Variants in UBR2 observed in about 807,000 individuals in gnomAD.
UBR2 encodes E3 ubiquitin-protein ligase UBR2.
Under a neutral mutation model 247.9 loss-of-function variants are expected in UBR2, and 92 were observed. The observed-to-expected ratio is 0.37, with a 90% CI of 0.31 to 0.44. The LOEUF (loss-of-function observed/expected upper bound fraction) is 0.44, where lower values mean the gene tolerates loss of function less well. UBR2 is among the 20% of genes least tolerant of loss of function. The pLI is 1.00. For synonymous variants in UBR2, 672 were observed against 693.5 expected (o/e 0.97, Z 0.49); for missense variants, 1,613 against 2,112.6 (o/e 0.76, Z 4.64).
At chr6:42,639,513 G>A (rs976507119) in intron 15 of UBR2, among the ~76,000 whole-genome samples, 2 of 152,176 alleles carry the variant, frequency 1.3e-5, no homozygotes. Context: ...CAGGAGAATC[G>A]CTTGAACCTG....
intron 28 of UBR2, 150 bp from the exon 29 acceptor site, chr6:42,658,491 TAAAAC>T: frequency 3.6e-6 from 4 of 1,103,436 alleles, no homozygotes; most frequent in Non-Finnish European, 5.0e-6. Context: ...TTTTTTTCTT[TAAAAC>T]AAGTCAGTTT....
At chr6:42,569,530 A>G (rs1441665651) in intron 1 of UBR2, among the ~76,000 whole-genome samples, 1 of 152,182 alleles carries the variant, frequency 6.6e-6, no homozygotes, top group South Asian at 2.1e-4. Context: ...CTTAATTTGT[A>G]GAGCTCTTAA....
chr6:42,609,560 C>CA lies in UBR2; in HGVS notation c.865-2602dup, dbSNP rs60736061. ...TGGAGCAGAGAGTAAAAGGAGGATCCAAAAAAAAATAAAAAGGAGTAAATA... is the reference window on the plus strand; with the variant it reads ...TGGAGCAGAGAGTAAAAGGAGGATCCAAAAAAAAAATAAAAAGGAGTAAATA... On this transcript the variant is annotated intron_variant, in intron 7 of 46. Coordinates refer to ENST00000372901, the MANE Select transcript of UBR2 (RefSeq NM_001363705.2). 5.2e-3 allele frequency among the ~76,000 whole-genome samples: 764 copies of CA among 147,420 alleles called. 2 individuals carry two copies. The highest frequency in any genetic ancestry group is 7.2e-3 in the Non-Finnish European group (479 of 66,596).
At position 42,645,691 on chromosome 6, in the gene UBR2, A is replaced by G. The variant is rs1796713380; in HGVS notation, c.2409+101A>G. ...TTCTGTATACCTTTCTCACAATTGT[A>G]AAATCTATTGTCATGGGATGTGTAT... On this transcript the variant is annotated intron_variant, in intron 21 of 46. Coordinates refer to ENST00000372901, the MANE Select transcript of UBR2 (RefSeq NM_001363705.2). 4.8e-6 allele frequency: 6 copies of G among 1,256,218 alleles called. No individual in the cohort carries two copies. In the East Asian group the frequency reaches 1.4e-4, roughly 29 times the overall value. The allele number at this position is 1,256,218 out of a possible 1,614,324, so 77.8% of individuals were successfully genotyped here. A position where few individuals can be genotyped will look rare whatever the true frequency, so the allele number is the denominator to read the frequency against.
intron 21 of UBR2, among the ~76,000 whole-genome samples, chr6:42,647,122 G>A (rs1039518825): frequency 2.8e-4 from 43 of 151,828 alleles, no homozygotes; most frequent in African/African-American, 9.7e-4. Flanking sequence ...ACACCTGGCC[G>A]AATGATGAAT....
At chr6:42,592,364 C>A in intron 3 of UBR2, 135 bp downstream of exon 3, 1 of 582,094 alleles carries the variant, frequency 1.7e-6, no homozygotes, top group Non-Finnish European at 2.7e-6. Context: ...ATTTAAATAC[C>A]ATTGGATATA....
chr6:42,610,837 A>G (rs1014719687), intron 7 of UBR2, among the ~76,000 whole-genome samples: 1 of 151,008 alleles, frequency 6.6e-6, no homozygotes, highest in Non-Finnish European at 1.5e-5. Context: ...AAAGTTTTAT[A>G]TGTATTTTAC....
intron 15 of UBR2, among the ~76,000 whole-genome samples, 174 bp downstream of exon 15, chr6:42,637,368 A>T (rs772658351): frequency 6.6e-6 from 1 of 152,184 alleles, no homozygotes; most frequent in African/African-American, 2.4e-5. Context: ...AGCTTGCTTC[A>T]TAGATGGGAA....
chr6:42,660,942 G>C (rs1343031118), intron 30 of UBR2, among the ~76,000 whole-genome samples: 2 of 151,454 alleles, frequency 1.3e-5, no homozygotes, highest in Non-Finnish European at 2.9e-5. Context: ...CCTCCAGCCT[G>C]GGCAACGGAG....
At chr6:42,570,969 G>A (rs1791088128) in intron 1 of UBR2, among the ~76,000 whole-genome samples, 1 of 151,136 alleles carries the variant, frequency 6.6e-6, no homozygotes, top group African/African-American at 2.4e-5. Flanking sequence ...ACAGGCATGA[G>A]CCAAAGAGCC....
At chr6:42,627,340 G>A (rs1795417230) in intron 11 of UBR2, among the ~76,000 whole-genome samples, 1 of 152,092 alleles carries the variant, frequency 6.6e-6, no homozygotes, top group Admixed American at 6.6e-5. Flanking sequence ...GGAGCAAGTG[G>A]GGGAGGTTAG....
chr6:42,633,940 A>T (rs547469414), intron 13 of UBR2, among the ~76,000 whole-genome samples: 2 of 152,090 alleles, frequency 1.3e-5, no homozygotes, highest in Middle Eastern at 3.4e-3. Flanking sequence ...CAAGTTGTCC[A>T]GGCTGATTTC....
chr6:42,653,359 A>G (rs973798957), intron 25 of UBR2, among the ~76,000 whole-genome samples: 2 of 152,166 alleles, frequency 1.3e-5, no homozygotes, highest in South Asian at 2.1e-4. Flanking sequence ...TTGGGATTAC[A>G]TGCGTGAGCC....
chr6:42,599,403 C>T (rs563656705), intron 4 of UBR2, among the ~76,000 whole-genome samples: 5 of 151,916 alleles, frequency 3.3e-5, no homozygotes, highest in African/African-American at 1.2e-4. Flanking sequence ...GAGAGAGACC[C>T]TCTTAAAGAA....
At chr6:42,679,177 A>T (rs1301183130) in intron 41 of UBR2, among the ~76,000 whole-genome samples, 1 of 152,232 alleles carries the variant, frequency 6.6e-6, no homozygotes. Context: ...ACTTGACTGT[A>T]TCTCTGTATC....
intron 11 of UBR2, among the ~76,000 whole-genome samples, chr6:42,626,211 G>A (rs575958605): frequency 6.6e-6 from 1 of 151,836 alleles, no homozygotes; most frequent in South Asian, 2.1e-4. Flanking sequence ...TTTCTTTCGT[G>A]ACCACCAATG....
At position 42,670,704 on chromosome 6, in the gene UBR2, C is replaced by T; in HGVS notation, c.4075C>T (p.Pro1359Ser). 4 of 1,609,528 alleles carry T rather than the reference C, an allele frequency of 2.5e-6. No homozygotes were observed. The highest frequency in any genetic ancestry group is 3.4e-6 in the Non-Finnish European group (4 of 1,178,092). Residue 1359 changes from proline to serine, a missense_variant, in exon 36 of 47, where the codon CCT (proline) becomes TCT (serine). By Grantham distance (74) the Pro-to-Ser change is moderately conservative (BLOSUM62 -1). Coordinates refer to ENST00000372901, the MANE Select transcript of UBR2 (RefSeq NM_001363705.2). ...AGATAAACCATTGTTTGGTCCTTTA[C>T]CTTGCAGACTGGTAAGTTCTCAGTT... ...DEDKPLFGPL[P>S]CRLDDCLRSL...
chr6:42,583,872 C>G (rs1206216701), intron 2 of UBR2, among the ~76,000 whole-genome samples: 1 of 151,908 alleles, frequency 6.6e-6, no homozygotes, highest in East Asian at 1.9e-4. Context: ...GACTTTATGT[C>G]TGGGCCTATG....
intron 2 of UBR2, among the ~76,000 whole-genome samples, chr6:42,591,206 C>T (rs1258430329): frequency 6.6e-6 from 1 of 152,188 alleles, no homozygotes; most frequent in African/African-American, 2.4e-5. Flanking sequence ...GAGCCATGAG[C>T]ATGCCACTGC....
Sources: gnomAD v4.1 joint callset for allele counts (sites outside exome capture counted in the v4.1 genomes callset) on GRCh38, gnomAD v4.1.1 for gene constraint, MANE v1.5 for transcripts, NCBI Gene and HGNC (gene_info 2026-07-23, HGNC 2026-07-21) for gene names.